The following PCED1B variants were observed in gnomAD, a reference collection of about 807,000 sequenced individuals.
PCED1B encodes the protein PC-esterase domain-containing protein 1B.
For synonymous variants in PCED1B, 251 were observed against 246.1 expected, an observed-to-expected ratio of 1.02 and a Z score of -0.19; for missense variants, 573 against 573.9, an observed-to-expected ratio of 1.00 and a Z score of 0.02.
intron 2 of PCED1B, among the ~76,000 whole-genome samples, chr12:47,105,868 C>T (rs1453892558): frequency 2.0e-5 from 3 of 152,162 alleles, no homozygotes; most frequent in Non-Finnish European, 2.9e-5. Context: ...CGAATTGACA[C>T]GTATTATGAC....
chr12:47,170,501 C>T (rs935028602), intron 2 of PCED1B, among the ~76,000 whole-genome samples: 3 of 144,648 alleles, frequency 2.1e-5, no homozygotes, highest in African/African-American at 5.4e-5. Context: ...CCGGATGGGG[C>T]GGCGGCCGGG....
At chr12:47,160,642 T>A in intron 2 of PCED1B, among the ~76,000 whole-genome samples, 1 of 152,096 alleles carries the variant, frequency 6.6e-6, no homozygotes. Context: ...ATCCAAGAAA[T>A]CAGTGACAAA....
chr12:47,131,038 G>A (rs1194043839), intron 2 of PCED1B, among the ~76,000 whole-genome samples: 4 of 152,096 alleles, frequency 2.6e-5, no homozygotes, highest in African/African-American at 4.8e-5. Context: ...TCAGTCATCC[G>A]CCAAAAACAG....
intron 1 of PCED1B, among the ~76,000 whole-genome samples, chr12:47,088,895 T>G (rs1401950490): frequency 1.3e-5 from 2 of 152,220 alleles, no homozygotes; most frequent in Non-Finnish European, 2.9e-5. Context: ...CCTAAATTCC[T>G]TTTGTCTCAA....
intron 1 of PCED1B, among the ~76,000 whole-genome samples, chr12:47,089,461 C>CATATATATATAT (rs1217283440): frequency 0.016 from 1,014 of 63,056 alleles, 19 homozygotes; most frequent in Non-Finnish European, 0.021. Flanking sequence ...AAAAAAAATA[C>CATATATATATAT]ATATATATAT....
At chr12:47,164,121 A>C (rs944202335) in intron 2 of PCED1B, among the ~76,000 whole-genome samples, 19 of 152,132 alleles carry the variant, frequency 1.2e-4, no homozygotes, top group African/African-American at 4.6e-4. Context: ...GAGAGTAATA[A>C]ACCACATCTA....
intron 2 of PCED1B, among the ~76,000 whole-genome samples, chr12:47,189,757 G>A (rs187888965): frequency 1.3e-5 from 2 of 152,182 alleles, no homozygotes; most frequent in African/African-American, 2.4e-5. Context: ...TGGACTAGGA[G>A]CCAAACTCTT....
chr12:47,135,566 T>A, intron 2 of PCED1B: 1 of 514,962 alleles, frequency 1.9e-6, no homozygotes, highest in South Asian at 1.5e-5. Context: ...AGGGCCCAGA[T>A]GTTCAGGCAC....
At chr12:47,151,602 A>C (rs924480867) in intron 2 of PCED1B, among the ~76,000 whole-genome samples, 4 of 152,238 alleles carry the variant, frequency 2.6e-5, no homozygotes, top group Admixed American at 1.3e-4. Flanking sequence ...GACAAGCTGG[A>C]GTCTCAGGAG....
intron 2 of PCED1B, among the ~76,000 whole-genome samples, chr12:47,162,975 G>A (rs1407671038): frequency 1.3e-5 from 2 of 152,098 alleles, no homozygotes; most frequent in African/African-American, 4.8e-5. Context: ...ATCTATCTTT[G>A]GAATTTTAAT....
intron 2 of PCED1B, among the ~76,000 whole-genome samples, chr12:47,197,594 G>C (rs2137689733): frequency 6.6e-6 from 1 of 151,516 alleles, no homozygotes; most frequent in African/African-American, 2.4e-5. Context: ...GGCAACAAGA[G>C]TGAAACTCTG....
intron 3 of PCED1B, among the ~76,000 whole-genome samples, chr12:47,218,363 A>G (rs573431920): frequency 7.9e-5 from 12 of 152,332 alleles, no homozygotes; most frequent in Admixed American, 7.2e-4. Flanking sequence ...TAGTCCCTGG[A>G]CCTTGCTTGT....
At chr12:47,089,461 C>CATGTATGTATATATATATATATAT (rs1233280547) in intron 1 of PCED1B, among the ~76,000 whole-genome samples, 2 of 63,414 alleles carry the variant, frequency 3.2e-5, no homozygotes, top group Admixed American at 5.3e-4. Flanking sequence ...AAAAAAAATA[C>CATGTATGTATATATATATATATAT]ATATATATAT....
intron 1 of PCED1B, among the ~76,000 whole-genome samples, chr12:47,102,323 A>G (rs551234655): frequency 2.6e-5 from 4 of 152,334 alleles, no homozygotes; most frequent in African/African-American, 7.2e-5. Context: ...ATGTAGACAT[A>G]TTGTCAGGCT....
At chr12:47,214,829 G>C (rs1300092677) in intron 2 of PCED1B, among the ~76,000 whole-genome samples, 2 of 152,084 alleles carry the variant, frequency 1.3e-5, no homozygotes, top group Non-Finnish European at 2.9e-5. Context: ...AGATACTCTT[G>C]TGTCTGCAGT....
chr12:47,202,964 TTTTC>T (rs1942811605), intron 2 of PCED1B, among the ~76,000 whole-genome samples: 2 of 147,442 alleles, frequency 1.4e-5, no homozygotes, highest in Non-Finnish European at 3.0e-5. Context: ...ATTACTTCTC[TTTTC>T]TTTCTTTTTT....
At chr12:47,141,482 G>A (rs1295356788) in intron 2 of PCED1B, among the ~76,000 whole-genome samples, 1 of 152,150 alleles carries the variant, frequency 6.6e-6, no homozygotes, top group African/African-American at 2.4e-5. Context: ...AAGGGACCTG[G>A]GAGGACTCAC....
chr12:47,235,582 C>CG lies in PCED1B; in HGVS notation c.524dup (p.Leu177SerfsTer30). 6.2e-7 allele frequency: 1 copy of CG among 1,608,758 alleles called. No individual in the cohort carries two copies. The highest frequency in any genetic ancestry group is 8.5e-7 in the Non-Finnish European group (1 of 1,176,802). ...CCATGCCTGTGGGCGAGGAAGTCACCGGGGGTTTTCTTCCGCCCAAGCTCC... is the reference window on the plus strand; with the variant it reads ...CCATGCCTGTGGGCGAGGAAGTCACCGGGGGGTTTTCTTCCGCCCAAGCTCC... On this transcript the variant is annotated frameshift_variant, in exon 4 of 4. Transcript: ENST00000546455. LOFTEE classifies it low-confidence loss of function (END_TRUNC).
chr12:47,110,838 A>G (rs1036066739), intron 2 of PCED1B, among the ~76,000 whole-genome samples: 4 of 152,204 alleles, frequency 2.6e-5, no homozygotes, highest in Non-Finnish European at 5.9e-5. Context: ...ACAAACACAC[A>G]CAAAGCTTGG....
Sources: allele counts gnomAD v4.1 joint callset (sites outside exome capture counted in the v4.1 genomes callset), GRCh38; gene constraint gnomAD v4.1.1; transcripts MANE v1.5; gene names NCBI Gene and HGNC (gene_info 2026-07-23, HGNC 2026-07-21).